The following ZKSCAN5 variants were observed in gnomAD, a reference collection of about 807,000 sequenced individuals.
ZKSCAN5 encodes zinc finger protein with KRAB and SCAN domains 5.
ZKSCAN5 carries 28 observed loss-of-function variants against 60.0 expected under a neutral mutation model. The observed-to-expected ratio is 0.47, with a 90% CI of 0.35 to 0.64. The LOEUF is 0.64. ZKSCAN5 is among the 30% of genes least tolerant of loss of function. ZKSCAN5 has a pLI of 0.01. For missense variants in ZKSCAN5, 881 were observed against 1,034.6 expected (o/e 0.85, Z 2.04); for synonymous variants, 361 against 371.2 (o/e 0.97, Z 0.31).
At chr7:99,513,455 G>A (rs1266401704) in intron 3 of ZKSCAN5, among the ~76,000 whole-genome samples, 5 of 152,110 alleles carry the variant, frequency 3.3e-5, no homozygotes, top group African/African-American at 1.2e-4. Context: ...GGGCAGTGGT[G>A]CGATCTTGGC....
chr7:99,508,074 C>T (rs1800846962), intron 2 of ZKSCAN5, among the ~76,000 whole-genome samples: 2 of 150,938 alleles, frequency 1.3e-5, no homozygotes, highest in Admixed American at 1.3e-4. Context: ...CCGAGGTGGG[C>T]AGTTCATGAG....
At chr7:99,507,557 A>G (rs1800822262) in intron 2 of ZKSCAN5, among the ~76,000 whole-genome samples, 2 of 148,610 alleles carry the variant, frequency 1.3e-5, no homozygotes, top group African/African-American at 4.9e-5. Flanking sequence ...ATATATGTAT[A>G]TATATGTGTA....
chr7:99,520,062 G>A, intron 4 of ZKSCAN5, 107 bp from the exon 5 acceptor site: 1 of 1,522,958 alleles, frequency 6.6e-7, no homozygotes, highest in Non-Finnish European at 9.0e-7. Flanking sequence ...CATCCTCTTT[G>A]AGGCACAGTT....
intron 3 of ZKSCAN5, among the ~76,000 whole-genome samples, chr7:99,519,410 C>T (rs547542366): frequency 2.0e-5 from 3 of 151,950 alleles, no homozygotes; most frequent in South Asian, 2.1e-4. Context: ...CTCAAGCAGC[C>T]AGGATTACAG....
intron 1 of ZKSCAN5, chr7:99,505,748 A>G: frequency 3.7e-6 from 1 of 270,288 alleles, no homozygotes; most frequent in Non-Finnish European, 7.2e-6. Flanking sequence ...GTTGGGCCTG[A>G]TGTCAGATTT....
At chr7:99,527,813 T>A (rs1336552526) in intron 6 of ZKSCAN5, among the ~76,000 whole-genome samples, 1 of 152,142 alleles carries the variant, frequency 6.6e-6, no homozygotes, top group Non-Finnish European at 1.5e-5. Flanking sequence ...GCCTCCTGAG[T>A]AGCTGAGATT....
At chr7:99,506,887 G>C (rs1355018993) in intron 2 of ZKSCAN5, among the ~76,000 whole-genome samples, 3 of 147,412 alleles carry the variant, frequency 2.0e-5, no homozygotes, top group African/African-American at 7.6e-5. Context: ...TAGTAGAGAC[G>C]GGGTTTCACC....
At chr7:99,518,953 C>T (rs1361162139) in intron 3 of ZKSCAN5, among the ~76,000 whole-genome samples, 3 of 147,270 alleles carry the variant, frequency 2.0e-5, no homozygotes, top group South Asian at 2.2e-4. Flanking sequence ...GGATTACAGG[C>T]GTGAGCCACC....
Position 99,526,171 on chromosome 7 carries a change from A to C in ZKSCAN5, c.1131A>C (p.Gly377=), listed in dbSNP as rs1801778764. The change falls in exon 6 of 7, where the codon GGA becomes GGC. Residue 377 remains glycine (G), a synonymous_variant. Coordinates refer to ENST00000326775, the MANE Select transcript of ZKSCAN5 (RefSeq NM_145102.4). ...IHTGEKPFKC[G]ECGKSYNQRV... is the part of the protein sequence containing the mutation. Reference sequence around the variant, plus strand: ...CTGGAGAAAAACCGTTTAAGTGCGGAGAATGTGGGAAGAGCTACAATCAGC... The same window carrying C: ...CTGGAGAAAAACCGTTTAAGTGCGGCGAATGTGGGAAGAGCTACAATCAGC... 1 of 1,614,198 alleles carries C rather than the reference A, an allele frequency of 6.2e-7. No individual in the cohort carries two copies. Among genetic ancestry groups the C allele is most frequent in the South Asian group, 1.1e-5 (1 of 91,090 alleles).
chr7:99,513,758 T>A lies in ZKSCAN5; in HGVS notation c.553+1167T>A, dbSNP rs144013887. The A allele has an allele frequency of 1.4e-3, 489 of 351,970 alleles. 1 individual carries two copies. The highest frequency in any genetic ancestry group is 0.01 in the African/African-American group (466 of 45,602). 21.8% of individuals were successfully genotyped at this position (351,970 alleles called of 1,614,324 possible). A position where few individuals can be genotyped will look rare whatever the true frequency, so the allele number is the denominator to read the frequency against. On this transcript the variant is annotated intron_variant, in intron 3 of 6. Transcript: ENST00000326775. ...AACAAAAAAACAAGGCCGGGCTCAG[T>A]GGCTCACACTTGTAATCCCTGCACT...
rs773998445 is a variant in ZKSCAN5 at position 99,531,966 on chromosome 7, A to G, written c.2237A>G (p.Gln746Arg). The G allele has an allele frequency of 3.1e-6, 5 of 1,614,092 alleles. No homozygotes were observed. The highest frequency in any genetic ancestry group is 4.2e-6 in the Non-Finnish European group (5 of 1,180,046). Reference protein sequence around the residue: ...YRTHTAEKPYQCDICRENVGQ... With the variant: ...YRTHTAEKPYRCDICRENVGQ... The stretch of plus-strand genomic sequence containing the variant: ...ACTCATACAGCAGAGAAGCCCTATC[A>G]ATGTGATATATGTAGAGAAAATGTT... Residue 746 changes from glutamine to arginine, a missense_variant, in exon 7 of 7, where the codon CAA (glutamine) becomes CGA (arginine). By Grantham distance (43) the Gln-to-Arg change is conservative. Coordinates refer to ENST00000326775, the MANE Select transcript of ZKSCAN5 (RefSeq NM_145102.4).
intron 2 of ZKSCAN5, among the ~76,000 whole-genome samples, chr7:99,509,980 C>T (rs1341449529): frequency 1.3e-5 from 2 of 151,436 alleles, no homozygotes; most frequent in Non-Finnish European, 2.9e-5. Context: ...GGCCTCACTC[C>T]GTTGTCCAGG....
At chr7:99,528,410 A>G (rs937334012) in intron 6 of ZKSCAN5, among the ~76,000 whole-genome samples, 1 of 151,398 alleles carries the variant, frequency 6.6e-6, no homozygotes, top group African/African-American at 2.4e-5. Flanking sequence ...TGCCTTCCAC[A>G]TTTTTTTTGT....
At chr7:99,520,002 G>T (rs936590344) in intron 4 of ZKSCAN5, 93 bp downstream of exon 4, 3 of 1,529,922 alleles carry the variant, frequency 2.0e-6, no homozygotes, top group Non-Finnish European at 2.7e-6. Flanking sequence ...CCCATCTTGG[G>T]TTGGTACCTT....
chr7:99,507,471 G>GTGTATATA, intron 2 of ZKSCAN5, among the ~76,000 whole-genome samples: 1 of 139,278 alleles, frequency 7.2e-6, no homozygotes, highest in African/African-American at 2.7e-5. Flanking sequence ...GCGTATATAT[G>GTGTATATA]TGTATATATG....
At chr7:99,521,216 G>A (rs1476031292) in intron 5 of ZKSCAN5, among the ~76,000 whole-genome samples, 2 of 151,768 alleles carry the variant, frequency 1.3e-5, no homozygotes, top group Admixed American at 1.3e-4. Flanking sequence ...TTATTTTTTT[G>A]AGATGGAGTC....
chr7:99,508,688 G>T (rs528412577), intron 2 of ZKSCAN5, among the ~76,000 whole-genome samples: 1 of 150,974 alleles, frequency 6.6e-6, no homozygotes, highest in East Asian at 2.0e-4. Context: ...GGCAGAGGTT[G>T]CAGTGAGCCG....
Position 99,526,274 on chromosome 7 carries a change from C to T in ZKSCAN5, c.1234C>T (p.Arg412Trp), listed in dbSNP as rs780349586. The T allele has an allele frequency of 1.2e-6, 2 of 1,613,578 alleles. No homozygotes were observed. The highest frequency in any genetic ancestry group is 1.1e-5 in the South Asian group (1 of 91,084). Residue 412 changes from arginine (R) to tryptophan (W), a missense_variant, in exon 6 of 7, where the codon CGG becomes TGG. Physicochemically the swap from Arg to Trp is moderately radical, Grantham distance 101. Transcript: ENST00000326775. Reference protein sequence around the residue: ...YKCQVCGKAFRVSSHLVQHHS... With the variant: ...YKCQVCGKAFWVSSHLVQHHS... ...ATGTCAGGTGTGCGGAAAGGCTTTC[C>T]GGGTGAGTTCCCACCTGGTTCAGCA...
Position 99,526,147 on chromosome 7 carries a change from T to C in ZKSCAN5, c.1107T>C (p.Thr369=), listed in dbSNP as rs752730276. 25 of 1,614,048 alleles carry C rather than the reference T, an allele frequency of 1.5e-5. No homozygotes were observed. The highest frequency in any genetic ancestry group is 2.1e-5 in the Non-Finnish European group (25 of 1,180,044). ...SNFIQHRRIH[T]GEKPFKCGEC... is the part of the protein sequence containing the mutation. ...TTATTCAGCATCGGCGCATCCACAC[T>C]GGAGAAAAACCGTTTAAGTGCGGAG... The change falls in exon 6 of 7, where the codon ACT becomes ACC. Residue 369 remains threonine (T), a synonymous_variant. Coordinates refer to ENST00000326775, the MANE Select transcript of ZKSCAN5 (RefSeq NM_145102.4).
Sources: gnomAD v4.1 joint callset for allele counts (sites outside exome capture counted in the v4.1 genomes callset) on GRCh38, gnomAD v4.1.1 for gene constraint, MANE v1.5 for transcripts, NCBI Gene and HGNC (gene_info 2026-07-23, HGNC 2026-07-21) for gene names.